DAOA: variants seen among roughly 807,000 people sequenced by gnomAD.
DAOA encodes D-amino acid oxidase activator, also known as D-amino acid oxidase regulator.
Under a neutral mutation model 16.4 loss-of-function variants are expected in DAOA, and 15 were observed. That is an observed-to-expected ratio of 0.91 (90% CI 0.61 to 1.41). DAOA has a LOEUF of 1.41. Among genes scored for constraint, DAOA ranks in the 40% most tolerant of loss-of-function variants. The pLI is 0.00. For synonymous variants in DAOA, 75 were observed against 59.1 expected (o/e 1.27, Z -1.23); for missense variants, 230 against 176.8 (o/e 1.30, Z -1.71).
chr13:105,487,333 A>C (rs932272024), intron 4 of DAOA, among the ~76,000 whole-genome samples: 2 of 152,156 alleles, frequency 1.3e-5, no homozygotes, highest in African/African-American at 4.8e-5. Flanking sequence ...TTTTTAAAAA[A>C]GTGATCTAAA....
At chr13:105,479,724 T>C (rs1407670484) in intron 4 of DAOA, among the ~76,000 whole-genome samples, 1 of 152,164 alleles carries the variant, frequency 6.6e-6, no homozygotes, top group Non-Finnish European at 1.5e-5. Flanking sequence ...AATGACCCTA[T>C]TTCCAAATAA....
chr13:105,482,124 T>A (rs1566380936), intron 4 of DAOA, among the ~76,000 whole-genome samples: 4 of 151,974 alleles, frequency 2.6e-5, no homozygotes, highest in South Asian at 2.1e-4. Flanking sequence ...AGGAAAGACC[T>A]GCCCCCATGA....
chr13:105,486,140 T>C (rs1338438603), intron 4 of DAOA, among the ~76,000 whole-genome samples: 2 of 152,168 alleles, frequency 1.3e-5, no homozygotes, highest in Non-Finnish European at 2.9e-5. Context: ...CTTCAAACTT[T>C]TAGTGGCTCC....
chr13:105,483,593 T>A (rs1197921189), intron 4 of DAOA, among the ~76,000 whole-genome samples: 4 of 152,170 alleles, frequency 2.6e-5, no homozygotes, highest in Non-Finnish European at 5.9e-5. Flanking sequence ...CATTTGCATT[T>A]TCCTAATGAC....
At chr13:105,479,895 T>G (rs1439421339) in intron 4 of DAOA, among the ~76,000 whole-genome samples, 1 of 152,142 alleles carries the variant, frequency 6.6e-6, no homozygotes, top group Non-Finnish European at 1.5e-5. Context: ...GTCTCTGCCA[T>G]TTAAAAAAAT....
intron 3 of DAOA, among the ~76,000 whole-genome samples, chr13:105,470,160 T>C (rs1307317770): frequency 6.6e-6 from 1 of 151,798 alleles, no homozygotes; most frequent in Non-Finnish European, 1.5e-5. Context: ...TATATTCTTG[T>C]TATATATCTA....
intron 5 of DAOA, chr13:105,490,546 G>A (rs1878445247): frequency 6.6e-6 from 1 of 152,098 alleles, no homozygotes. Context: ...TTATGTATCT[G>A]ATACATGTAA....
At chr13:105,470,551 T>TA (rs541083042) in intron 3 of DAOA, among the ~76,000 whole-genome samples, 162 of 152,270 alleles carry the variant, frequency 1.1e-3, no homozygotes, top group Middle Eastern at 0.01. Flanking sequence ...TCTACATACA[T>TA]AAAATAAAGC....
intron 4 of DAOA, among the ~76,000 whole-genome samples, chr13:105,486,420 T>C (rs1878114324): frequency 6.6e-6 from 1 of 152,124 alleles, no homozygotes; most frequent in Admixed American, 6.6e-5. Context: ...CCAGAATATC[T>C]GATAACAAAA....
At chr13:105,485,643 T>TA (rs1878052224) in intron 4 of DAOA, among the ~76,000 whole-genome samples, 1 of 152,130 alleles carries the variant, frequency 6.6e-6, no homozygotes, top group Admixed American at 6.5e-5. Context: ...TGTAATCAGT[T>TA]AAAATGAGGT....
At chr13:105,484,654 A>T (rs1877985529) in intron 4 of DAOA, among the ~76,000 whole-genome samples, 1 of 152,074 alleles carries the variant, frequency 6.6e-6, no homozygotes, top group Non-Finnish European at 1.5e-5. Context: ...TTATATATTA[A>T]ATTTGAATTT....
intron 4 of DAOA, among the ~76,000 whole-genome samples, chr13:105,488,420 C>A (rs1878282121): frequency 6.6e-6 from 1 of 152,180 alleles, no homozygotes; most frequent in South Asian, 2.1e-4. Flanking sequence ...CATGTACACA[C>A]AATGCTATTT....
rs535345591 is a variant in DAOA at position 105,479,303 on chromosome 13, C to G, written c.281+6618C>G. Reference sequence around the variant, plus strand: ...AGAAGTGTAAGAATGCTAGAAGGTCCTATCATTATTGTCTGTGATCTATAT... The same window carrying G: ...AGAAGTGTAAGAATGCTAGAAGGTCGTATCATTATTGTCTGTGATCTATAT... On this transcript the variant is annotated intron_variant, in intron 4 of 5. Coordinates refer to ENST00000375936, the MANE Select transcript of DAOA (RefSeq NM_172370.5). 6.6e-5 allele frequency among the ~76,000 whole-genome samples: 10 copies of G among 152,242 alleles called. No individual in the cohort carries two copies. The East Asian group carries it at 1.2e-3, about 18-fold the overall frequency.
intron 4 of DAOA, among the ~76,000 whole-genome samples, chr13:105,486,271 A>G (rs1878101809): frequency 6.6e-6 from 1 of 151,942 alleles, no homozygotes. Flanking sequence ...CACTTCATCA[A>G]AGTATTCTAA....
intron 3 of DAOA, chr13:105,467,583 C>CT (rs71114923): frequency 0.34 from 46,797 of 137,156 alleles, 8,554 homozygotes; most frequent in Middle Eastern, 0.43. Context: ...AATTCTTTTT[C>CT]TTTTTTTTTT....
chr13:105,472,297 A>G (rs1419377442), intron 3 of DAOA, among the ~76,000 whole-genome samples: 1 of 152,208 alleles, frequency 6.6e-6, no homozygotes, highest in Non-Finnish European at 1.5e-5. Context: ...CTCAAAGTAT[A>G]GTCCGATCCA....
chr13:105,475,130 T>A, intron 4 of DAOA: 1 of 769,378 alleles, frequency 1.3e-6, no homozygotes, highest in East Asian at 1.3e-4. Context: ...AAGTCAGCCT[T>A]AGAAACCAGA....
intron 3 of DAOA, among the ~76,000 whole-genome samples, chr13:105,470,551 T>A (rs1326360337): frequency 6.6e-6 from 1 of 152,152 alleles, no homozygotes; most frequent in Admixed American, 6.5e-5. Flanking sequence ...TCTACATACA[T>A]AAAATAAAGC....
At chr13:105,481,575 A>T (rs2139193201) in intron 4 of DAOA, among the ~76,000 whole-genome samples, 1 of 152,300 alleles carries the variant, frequency 6.6e-6, no homozygotes, top group South Asian at 2.1e-4. Context: ...AAAGCCATAA[A>T]AAACAGACTC....
Sources: allele counts gnomAD v4.1 joint callset (sites outside exome capture counted in the v4.1 genomes callset), GRCh38; gene constraint gnomAD v4.1.1; transcripts MANE v1.5; gene names NCBI Gene and HGNC (gene_info 2026-07-23, HGNC 2026-07-21).